The following USH2A variants were observed in gnomAD, a reference collection of about 807,000 sequenced individuals.
The protein encoded by USH2A is usherin.
A neutral mutation model predicts 538.9 loss-of-function variants in USH2A; 443 were observed. That is an observed-to-expected ratio of 0.82 (90% confidence interval 0.76 to 0.89). The LOEUF is 0.89. USH2A is among the 40% of genes least tolerant of loss of function. USH2A has a pLI of 0.00. For missense variants in USH2A, 6,633 were observed against 6,324.8 expected (o/e 1.05, Z -1.65); for synonymous variants, 2,413 against 2,273.5 (o/e 1.06, Z -1.75).
intron 60 of USH2A, among the ~76,000 whole-genome samples, chr1:215,734,051 C>A (rs1660082307): frequency 6.6e-6 from 1 of 152,222 alleles, no homozygotes; most frequent in Admixed American, 6.5e-5. Context: ...AGTAGAGTTT[C>A]TCTGTAAGGG....
chr1:215,823,386 T>A (rs1277995301), intron 47 of USH2A, among the ~76,000 whole-genome samples: 4 of 152,124 alleles, frequency 2.6e-5, no homozygotes, highest in Non-Finnish European at 5.9e-5. Flanking sequence ...CTTGTATGGT[T>A]TCTGTTGAGT....
intron 30 of USH2A, among the ~76,000 whole-genome samples, chr1:216,062,427 C>T (rs1013342071): frequency 1.3e-5 from 2 of 151,958 alleles, no homozygotes; most frequent in African/African-American, 4.8e-5. Flanking sequence ...ATCAACAGTG[C>T]AAAAATCAGA....
rs1223905588 is a variant in USH2A at position 215,844,797 on chromosome 1, T to C, written c.9056-301A>G. Reference sequence around the variant, plus strand: ...CATCTGCACCACTAACACTTATCTATTTTTTGTCTTTTTTCCATCCTTTCA... The same window carrying C: ...CATCTGCACCACTAACACTTATCTACTTTTTGTCTTTTTTCCATCCTTTCA... On this transcript the variant is annotated intron_variant, in intron 45 of 71. Transcript: ENST00000307340. Among the ~76,000 whole-genome samples the C allele has an allele frequency of 2.0e-5, 3 of 152,180 alleles. No homozygotes were observed. The East Asian group carries it at 5.8e-4, about 29-fold the overall frequency.
At chr1:215,959,971 T>C (rs1240935924) in intron 37 of USH2A, among the ~76,000 whole-genome samples, 1 of 152,032 alleles carries the variant, frequency 6.6e-6, no homozygotes, top group African/African-American at 2.4e-5. Context: ...AATAACCACT[T>C]AAGAAAAAAG....
chr1:216,395,869 G>A (rs2039203330), intron 3 of USH2A, among the ~76,000 whole-genome samples: 1 of 152,168 alleles, frequency 6.6e-6, no homozygotes, highest in Admixed American at 6.5e-5. Context: ...TGCCAAGATT[G>A]AGAAATATTG....
chr1:215,641,110 G>T (rs940436002), intron 67 of USH2A, among the ~76,000 whole-genome samples: 6 of 152,136 alleles, frequency 3.9e-5, no homozygotes, highest in Non-Finnish European at 7.4e-5. Flanking sequence ...AACAGGTAAA[G>T]TATCCTTAAT....
At chr1:216,009,954 T>TGGTC (rs1668504073) in intron 32 of USH2A, among the ~76,000 whole-genome samples, 1 of 152,170 alleles carries the variant, frequency 6.6e-6, no homozygotes, top group South Asian at 2.1e-4. Context: ...GCCCAGTTCA[T>TGGTC]GGTCGCTCGG....
At chr1:216,197,746 C>T (rs1558311422) in intron 18 of USH2A, among the ~76,000 whole-genome samples, 1 of 151,996 alleles carries the variant, frequency 6.6e-6, no homozygotes, top group African/African-American at 2.4e-5. Flanking sequence ...AAAATTTTTG[C>T]CTTAATGAAG....
chr1:216,224,849 T>C (rs891992577), intron 14 of USH2A, among the ~76,000 whole-genome samples: 5 of 152,194 alleles, frequency 3.3e-5, no homozygotes, highest in Non-Finnish European at 7.4e-5. Context: ...TACTTGTATC[T>C]TCCCCTTTCA....
chr1:216,056,668 C>T (rs2030986514), intron 30 of USH2A, among the ~76,000 whole-genome samples: 1 of 152,124 alleles, frequency 6.6e-6, no homozygotes, highest in African/African-American at 2.4e-5. Flanking sequence ...ATTACTGACA[C>T]CTATTGCTTA....
rs2102666237 is a variant in USH2A, at chr1:215,675,070, G to A, written c.12841C>T (p.Leu4281=). The A allele has an allele frequency of 1.2e-6, 2 of 1,614,160 alleles. No individual in the cohort carries two copies. The highest frequency in any genetic ancestry group is 1.7e-6 in the Non-Finnish European group (2 of 1,180,030). The change falls in exon 63 of 72, where the codon CTG becomes TTG. Residue 4281 remains leucine, a synonymous_variant. Coordinates refer to ENST00000307340, the MANE Select transcript of USH2A (RefSeq NM_206933.4). ...TCTGGTGGGATCCAGGAAATCAGCA[G>A]TTTTTGGGGATTCATAGAAACATAG... ...ISYVSMNPQK[L]LISWIPPEQS...
rs372596721 is a variant in USH2A, at chr1:215,976,455, G to A, written c.6806-5679C>T. 3.9e-5 allele frequency among the ~76,000 whole-genome samples: 6 copies of A among 152,198 alleles called. No individual in the cohort carries two copies. The South Asian group carries it at 1.0e-3, about 26-fold the overall frequency. On this transcript the variant is annotated intron_variant, in intron 35 of 71. Transcript: ENST00000307340. Reference sequence around the variant, plus strand: ...TGATGTTGGCTGTGGGTTTGTCATAGATAGCTCTTATTATTTTGAAGTATG... The same window carrying A: ...TGATGTTGGCTGTGGGTTTGTCATAAATAGCTCTTATTATTTTGAAGTATG...
At chr1:216,048,192 G>C (rs1207949575) in intron 31 of USH2A, among the ~76,000 whole-genome samples, 1 of 152,118 alleles carries the variant, frequency 6.6e-6, no homozygotes, top group Non-Finnish European at 1.5e-5. Context: ...TAGTCAGACT[G>C]TCTCTAGATT....
chr1:215,947,176 A>G (rs1032024504), intron 37 of USH2A, among the ~76,000 whole-genome samples: 1 of 151,682 alleles, frequency 6.6e-6, no homozygotes, highest in African/African-American at 2.4e-5. Context: ...TGAGTAGCTG[A>G]GAGACTACAG....
At chr1:215,855,387 C>G (rs1424888805) in intron 44 of USH2A, among the ~76,000 whole-genome samples, 1 of 152,134 alleles carries the variant, frequency 6.6e-6, no homozygotes, top group African/African-American at 2.4e-5. Context: ...TAACTTAACC[C>G]CTTTTACAAT....
Position 215,728,057 on chromosome 1 carries a change from G to A in USH2A, c.12039C>T (p.Ser4013=), listed in dbSNP as rs1014812400. The change falls in exon 61 of 72, where the codon AGC becomes AGT. Residue 4013 remains serine, a synonymous_variant. Coordinates refer to ENST00000307340, the MANE Select transcript of USH2A (RefSeq NM_206933.4). Reference sequence around the variant, plus strand: ...TCACTGTGAAAGCATGCACGGTAGGGCTGTTAAATGTAGGATCGTCGGGTC... The same window carrying A: ...TCACTGTGAAAGCATGCACGGTAGGACTGTTAAATGTAGGATCGTCGGGTC... ...QERPDDPTFN[S]PTVHAFTVKG... is the part of the protein sequence containing the mutation. 1.2e-6 allele frequency: 2 copies of A among 1,614,080 alleles called. No individual in the cohort carries two copies. Among genetic ancestry groups the A allele is most frequent in the Non-Finnish European group, 1.7e-6 (2 of 1,180,054 alleles).
chr1:216,048,828 T>C (rs964141870), intron 30 of USH2A, among the ~76,000 whole-genome samples, 181 bp from the exon 31 acceptor site: 3 of 152,190 alleles, frequency 2.0e-5, no homozygotes, highest in Non-Finnish European at 4.4e-5. Context: ...GATTGTTGAA[T>C]GGAAGGACTC....
At chr1:215,846,808 A>G (rs951596356) in intron 44 of USH2A, among the ~76,000 whole-genome samples, 15 of 152,188 alleles carry the variant, frequency 9.9e-5, no homozygotes, top group Non-Finnish European at 2.2e-4. Context: ...CACAGATCCT[A>G]GAGACATTTT....
At position 216,321,941 on chromosome 1, in the gene USH2A, G is replaced by A. The variant is rs79696444; in HGVS notation, c.1586C>T (p.Thr529Ile). Residue 529 changes from threonine (T) to isoleucine (I), a missense_variant, in exon 9 of 72, where the codon ACA becomes ATA. Transcript: ENST00000307340. ...GAGGCATCTATATGGCTGGCTTGTTGTGTCGCAGTTATCGGCATGACCATG... is the reference window on the plus strand; with the variant it reads ...GAGGCATCTATATGGCTGGCTTGTTATGTCGCAGTTATCGGCATGACCATG... Reference protein sequence around the residue: ...QCHGHADNCDTTSQPYRCLCS... With the variant: ...QCHGHADNCDITSQPYRCLCS... 1.2e-6 allele frequency: 2 copies of A among 1,613,816 alleles called. No individual in the cohort carries two copies. The highest frequency in any genetic ancestry group is 2.2e-5 in the South Asian group (2 of 91,076).
Sources: allele counts gnomAD v4.1 joint callset (sites outside exome capture counted in the v4.1 genomes callset), GRCh38; gene constraint gnomAD v4.1.1; transcripts MANE v1.5; gene names NCBI Gene and HGNC (gene_info 2026-07-23, HGNC 2026-07-21).